CAST: variants seen among roughly 807,000 people sequenced by gnomAD.
CAST encodes MIR583 host.
A neutral mutation model predicts 119.6 loss-of-function variants in CAST; 76 were observed. The observed-to-expected ratio is 0.64, with a 90% CI of 0.53 to 0.77. The LOEUF (loss-of-function observed/expected upper bound fraction) is 0.77. Ranked by LOEUF, CAST falls within the 30% of genes least tolerant of loss-of-function variation. The probability of loss-of-function intolerance (pLI) is 0.00; values close to 1 mark genes in which losing one functional copy is unlikely to be tolerated. For missense variants in CAST, 953 were observed against 946.5 expected (o/e 1.01, Z -0.09); for synonymous variants, 319 against 331.6 (o/e 0.96, Z 0.41).
chr5:96,430,185 G>A, the CAST span, among the ~76,000 whole-genome samples: 3,747 of 152,230 alleles, frequency 0.025, 154 homozygotes, highest in African/African-American at 0.086. Context: ...TAGAGGGTTT[G>A]TACTTCTCCG....
At chr5:96,502,632 C>CTTTCTTTCTTTA in the CAST span, among the ~76,000 whole-genome samples, 2 of 149,618 alleles carry the variant, frequency 1.3e-5, no homozygotes, top group African/African-American at 4.9e-5. Context: ...TTCTTTCTTT[C>CTTTCTTTCTTTA]TTTCTTTCTT....
At chr5:96,140,107 T>C in the CAST span, among the ~76,000 whole-genome samples, 1 of 152,230 alleles carries the variant, frequency 6.6e-6, no homozygotes, top group African/African-American at 2.4e-5. Context: ...AGTCATTTTG[T>C]ATTTCTTAGA....
chr5:96,101,474 TG>T, the CAST span, among the ~76,000 whole-genome samples: 1 of 152,216 alleles, frequency 6.6e-6, no homozygotes, highest in African/African-American at 2.4e-5. Flanking sequence ...ATTTTACGTA[TG>T]TTACCTGCCA....
chr5:96,317,215 G>C, the CAST span, among the ~76,000 whole-genome samples: 1 of 151,434 alleles, frequency 6.6e-6, no homozygotes, highest in Non-Finnish European at 1.5e-5. Flanking sequence ...TGTAATCCTA[G>C]CACTTTGGGA....
chr5:96,156,037 A>G, the CAST span, among the ~76,000 whole-genome samples: 1 of 152,220 alleles, frequency 6.6e-6, no homozygotes, highest in South Asian at 2.1e-4. Flanking sequence ...ACCTATGCGG[A>G]AAGTAAATCA....
the CAST span, among the ~76,000 whole-genome samples, chr5:96,417,771 T>C: frequency 3.9e-5 from 6 of 152,372 alleles, no homozygotes; most frequent in African/African-American, 1.4e-4. Flanking sequence ...GAAGCTGTCC[T>C]GACCACACCA....
upstream of CAST, among the ~76,000 whole-genome samples, chr5:96,526,774 C>T (rs866236723): frequency 7.2e-5 from 11 of 152,198 alleles, no homozygotes; most frequent in Admixed American, 6.5e-5. Context: ...AGACAGATCT[C>T]AATCAACTTA....
chr5:95,963,113 G>A, the CAST span, among the ~76,000 whole-genome samples: 1 of 152,176 alleles, frequency 6.6e-6, no homozygotes, highest in African/African-American at 2.4e-5. Context: ...TCAAACTGTT[G>A]AAAGGCAGTT....
chr5:96,032,363 A>G, the CAST span, among the ~76,000 whole-genome samples: 1 of 152,146 alleles, frequency 6.6e-6, no homozygotes, highest in African/African-American at 2.4e-5. Context: ...GGTAAAAAAA[A>G]GTTGGACTTG....
the CAST span, among the ~76,000 whole-genome samples, chr5:96,194,595 C>A: frequency 1.3e-5 from 2 of 152,198 alleles, no homozygotes; most frequent in East Asian, 3.9e-4. Context: ...TTTATTATAA[C>A]AAACCTAGCA....
chr5:96,271,531 G>A, the CAST span, among the ~76,000 whole-genome samples: 2 of 151,944 alleles, frequency 1.3e-5, no homozygotes, highest in African/African-American at 4.8e-5. Flanking sequence ...ATGGTGCTGG[G>A]AAAACTGGAT....
At chr5:96,151,548 C>A in the CAST span, among the ~76,000 whole-genome samples, 2 of 152,048 alleles carry the variant, frequency 1.3e-5, no homozygotes, top group Non-Finnish European at 2.9e-5. Flanking sequence ...GTGGAGGAGA[C>A]CTATTTAGAC....
the CAST span, among the ~76,000 whole-genome samples, chr5:96,148,363 T>C: frequency 7.2e-5 from 11 of 152,242 alleles, no homozygotes; most frequent in Admixed American, 6.5e-4. Flanking sequence ...ATACTGTCTG[T>C]CATGATTATT....
At chr5:96,702,782 G>A (rs979049716) in intron 3 of CAST, 2 of 985,370 alleles carry the variant, frequency 2.0e-6, no homozygotes, top group African/African-American at 3.5e-5. Flanking sequence ...CGCCTTCCCG[G>A]GACCGCCCCG....
At chr5:96,679,723 G>A (rs1379175651) in intron 2 of CAST, 1 of 152,090 alleles carries the variant, frequency 6.6e-6, no homozygotes, top group African/African-American at 2.4e-5. Context: ...TAATGGCATT[G>A]GTGGCATGCT....
the CAST span, among the ~76,000 whole-genome samples, chr5:96,500,447 C>T: frequency 6.6e-6 from 1 of 152,200 alleles, no homozygotes; most frequent in African/African-American, 2.4e-5. Flanking sequence ...GGAATGTTGT[C>T]TGTAATTGAT....
the CAST span, among the ~76,000 whole-genome samples, chr5:96,259,122 T>C: frequency 1.3e-5 from 2 of 152,186 alleles, no homozygotes; most frequent in Non-Finnish European, 2.9e-5. Context: ...GCATCTATCT[T>C]TGGTCGACAC....
At chr5:96,274,059 G>A in the CAST span, among the ~76,000 whole-genome samples, 2 of 151,862 alleles carry the variant, frequency 1.3e-5, no homozygotes, top group Non-Finnish European at 2.9e-5. Context: ...AAAGGGAGAT[G>A]GAAGGGATGG....
chr5:96,135,142 C>T, the CAST span, among the ~76,000 whole-genome samples: 1 of 152,148 alleles, frequency 6.6e-6, no homozygotes, highest in Non-Finnish European at 1.5e-5. Context: ...TAAGGGTTTG[C>T]ATTCAATCCT....
Sources: allele counts gnomAD v4.1 joint callset (sites outside exome capture counted in the v4.1 genomes callset), GRCh38; gene constraint gnomAD v4.1.1; transcripts MANE v1.5; gene names NCBI Gene and HGNC (gene_info 2026-07-23, HGNC 2026-07-21).